The following ATF7IP2 variants were observed in gnomAD, a reference collection of about 807,000 sequenced individuals.
ATF7IP2 encodes activating transcription factor 7 interacting protein 2.
A neutral mutation model predicts 64.2 loss-of-function variants in ATF7IP2; 42 were observed. The ratio of observed to expected loss-of-function variants is 0.65; its 90% CI spans 0.51 to 0.85. The LOEUF (loss-of-function observed/expected upper bound fraction) is 0.85. Ranked by LOEUF, ATF7IP2 falls within the 40% of genes least tolerant of loss-of-function variation. ATF7IP2 has a pLI of 0.00. For synonymous variants in ATF7IP2, 308 were observed against 272.8 expected, an observed-to-expected ratio of 1.13 and a Z score of -1.27; for missense variants, 933 against 784.2, an observed-to-expected ratio of 1.19 and a Z score of -2.27.
chr16:10,455,885 A>G (rs1181731173), intron 8 of ATF7IP2, among the ~76,000 whole-genome samples: 1 of 152,248 alleles, frequency 6.6e-6, no homozygotes, highest in Non-Finnish European at 1.5e-5. Context: ...TGTGTTACGT[A>G]GTGGCAGGAA....
At chr16:10,457,194 T>C in intron 8 of ATF7IP2, 178 bp from the exon 9 acceptor site, 1 of 545,160 alleles carries the variant, frequency 1.8e-6, no homozygotes, top group Non-Finnish European at 3.2e-6. Context: ...CTTCGGAGTT[T>C]TTAAAAATTC....
chr16:10,453,259 C>T (rs1426505856), intron 8 of ATF7IP2, among the ~76,000 whole-genome samples: 1 of 152,160 alleles, frequency 6.6e-6, no homozygotes. Context: ...GTTGTGAAGA[C>T]TGTGGGAAAA....
Position 10,414,623 on chromosome 16 carries a change from G to A in ATF7IP2, c.-203+11G>A, listed in dbSNP as rs2141824820. On this transcript the variant is annotated intron_variant, in intron 2 of 13. Coordinates refer to ENST00000562102, the MANE Select transcript of ATF7IP2 (RefSeq NM_001393719.1). ...TTGGATCCACTGCTGGTGAGCTAGTGTGATTGTGTGTGTGTGTGTGTGTGT... is the reference window on the plus strand; with the variant it reads ...TTGGATCCACTGCTGGTGAGCTAGTATGATTGTGTGTGTGTGTGTGTGTGT... The A allele has an allele frequency of 8.4e-6, 1 of 118,790 alleles. No individual in the cohort carries two copies. Among genetic ancestry groups the A allele is most frequent in the Non-Finnish European group, 1.6e-5 (1 of 61,486 alleles). 7.4% of individuals were successfully genotyped at this position (118,790 alleles called of 1,614,324 possible). A position where few individuals can be genotyped will look rare whatever the true frequency, so the allele number is the denominator to read the frequency against.
At chr16:10,443,095 C>G (rs914080741) in intron 8 of ATF7IP2, among the ~76,000 whole-genome samples, 11 of 152,140 alleles carry the variant, frequency 7.2e-5, no homozygotes, top group African/African-American at 2.7e-4. Context: ...AATTAGAGCG[C>G]AAGTACTGCT....
At chr16:10,429,877 C>G (rs1300616675) in intron 4 of ATF7IP2, among the ~76,000 whole-genome samples, 2 of 140,060 alleles carry the variant, frequency 1.4e-5, no homozygotes, top group East Asian at 4.2e-4. Context: ...TATTTTTAGA[C>G]TGTCTCACTC....
intron 3 of ATF7IP2, among the ~76,000 whole-genome samples, chr16:10,421,275 T>A (rs549355371): frequency 6.6e-6 from 1 of 152,290 alleles, no homozygotes; most frequent in East Asian, 1.9e-4. Context: ...AGTAGGTGAA[T>A]CTGAGTTGAA....
intron 12 of ATF7IP2, among the ~76,000 whole-genome samples, chr16:10,480,034 G>A (rs2050163833): frequency 8.1e-6 from 1 of 123,682 alleles, no homozygotes; most frequent in Non-Finnish European, 1.6e-5. Flanking sequence ...TGTCACCCAG[G>A]CTAGAATGCA....
At chr16:10,438,872 G>C (rs1440997982) in intron 7 of ATF7IP2, among the ~76,000 whole-genome samples, 1 of 152,036 alleles carries the variant, frequency 6.6e-6, no homozygotes, top group Non-Finnish European at 1.5e-5. Flanking sequence ...GGGCAACATA[G>C]TGAAACCCAA....
At chr16:10,429,686 T>A (rs1335362749) in intron 4 of ATF7IP2, among the ~76,000 whole-genome samples, 2 of 149,998 alleles carry the variant, frequency 1.3e-5, no homozygotes, top group Non-Finnish European at 3.0e-5. Context: ...GTTATGTATC[T>A]TAGTGCTGGT....
At chr16:10,433,476 G>GT (rs2048322430) in intron 5 of ATF7IP2, 49 bp from the exon 6 acceptor site, 2 of 1,566,904 alleles carry the variant, frequency 1.3e-6, no homozygotes, top group South Asian at 1.1e-5. Flanking sequence ...CACTGAACCT[G>GT]TTTTTTTCTT....
chr16:10,456,729 T>C (rs568186159), intron 8 of ATF7IP2, among the ~76,000 whole-genome samples: 6 of 152,156 alleles, frequency 3.9e-5, no homozygotes, highest in Admixed American at 1.3e-4. Flanking sequence ...ACCCAACTGA[T>C]AGTGCTGCTG....
chr16:10,465,359 A>G (rs1298221011), intron 9 of ATF7IP2, among the ~76,000 whole-genome samples: 3 of 152,172 alleles, frequency 2.0e-5, no homozygotes, highest in African/African-American at 7.2e-5. Flanking sequence ...TGTTTCTCCA[A>G]GGTAAACTAC....
At chr16:10,412,438 G>C (rs551130649) in intron 1 of ATF7IP2, among the ~76,000 whole-genome samples, 1 of 152,246 alleles carries the variant, frequency 6.6e-6, no homozygotes, top group South Asian at 2.1e-4. Flanking sequence ...TTGACCCAGT[G>C]ATCATTCAGG....
In ATF7IP2 at chr16:10,457,455, GCCTTCTAAC is replaced by G; in HGVS notation, c.1284_1292del (p.Asn429_Ser431del). On this transcript the variant is annotated inframe_deletion, in exon 9 of 14. Transcript: ENST00000562102. The stretch of plus-strand genomic sequence containing the variant: ...TTGAAAAGTCTTCTGTGAATTATGA[GCCTTCTAAC>G]CCTTCCGAAAAAGGAAGTAAAAAAA... 1 of 1,606,772 alleles carries G rather than the reference GCCTTCTAAC, an allele frequency of 6.2e-7. No individual in the cohort carries two copies. Among genetic ancestry groups the G allele is most frequent in the Non-Finnish European group, 8.5e-7 (1 of 1,176,864 alleles).
intron 9 of ATF7IP2, 76 bp from the exon 10 acceptor site, chr16:10,472,034 C>G (rs1278741313): frequency 3.0e-6 from 2 of 659,232 alleles, no homozygotes; most frequent in Admixed American, 5.3e-5. Flanking sequence ...TTAGAGGACT[C>G]CTAACCACTA....
chr16:10,482,168 C>A lies in ATF7IP2; in HGVS notation c.1968C>A (p.Val656=), dbSNP rs151012825. 567 of 1,612,706 alleles carry A rather than the reference C, an allele frequency of 3.5e-4. 3 individuals are homozygous for A. The African/African-American group carries it at 6.8e-3, about 19-fold the overall frequency. The change falls in exon 14 of 14, where the codon GTC becomes GTA. Residue 656 remains valine, a synonymous_variant. Coordinates refer to ENST00000562102, the MANE Select transcript of ATF7IP2 (RefSeq NM_001393719.1). The part of the protein sequence containing the change: ...FLASNRYYFT[V]QSKDIFGRYG... ...CTTCCAACAGATACTATTTTACTGT[C>A]CAATCAAAAGATATTTTTGGACGAT...
intron 6 of ATF7IP2, among the ~76,000 whole-genome samples, chr16:10,437,140 G>T (rs1301147800): frequency 1.3e-5 from 2 of 151,628 alleles, no homozygotes; most frequent in African/African-American, 4.8e-5. Flanking sequence ...TCCTGTCTCA[G>T]CCTCCAGAGT....
At chr16:10,399,226 C>G (rs1420002358) in intron 1 of ATF7IP2, among the ~76,000 whole-genome samples, 1 of 152,136 alleles carries the variant, frequency 6.6e-6, no homozygotes, top group Non-Finnish European at 1.5e-5. Context: ...TAAATAATAA[C>G]TATAATCTTA....
chr16:10,474,103 T>C (rs940636420), intron 12 of ATF7IP2, 114 bp downstream of exon 12: 5 of 684,838 alleles, frequency 7.3e-6, no homozygotes, highest in Non-Finnish European at 1.2e-5. Flanking sequence ...CCTATGTTTA[T>C]ATCTCTGTGC....
Sources: allele counts gnomAD v4.1 joint callset (sites outside exome capture counted in the v4.1 genomes callset), GRCh38; gene constraint gnomAD v4.1.1; transcripts MANE v1.5; gene names NCBI Gene and HGNC (gene_info 2026-07-23, HGNC 2026-07-21).